SGCZ: variants seen among roughly 807,000 people sequenced by gnomAD.
The protein encoded by SGCZ is sarcoglycan zeta, also known as zeta-sarcoglycan.
Under a neutral mutation model 41.3 loss-of-function variants are expected in SGCZ, and 40 were observed. That is an observed-to-expected ratio of 0.97 (90% CI 0.75 to 1.26). SGCZ has a LOEUF of 1.26. Among genes scored for constraint, SGCZ ranks in the 50% most tolerant of loss-of-function variants. The pLI is 0.00. For synonymous variants in SGCZ, 206 were observed against 137.5 expected (o/e 1.50, Z -3.49); for missense variants, 552 against 369.8 (o/e 1.49, Z -4.04).
chr8:15,217,112 CAGAGT>C (rs1367042307), intron 1 of SGCZ, among the ~76,000 whole-genome samples: 1 of 151,814 alleles, frequency 6.6e-6, no homozygotes. Flanking sequence ...ATTAACCCCA[CAGAGT>C]AGAGTTAAGA....
At chr8:14,836,082 G>A (rs1271799432) in intron 1 of SGCZ, among the ~76,000 whole-genome samples, 3 of 151,988 alleles carry the variant, frequency 2.0e-5, no homozygotes, top group Admixed American at 6.6e-5. Flanking sequence ...ACGTCATCTA[G>A]GGACATTCAC....
intron 1 of SGCZ, among the ~76,000 whole-genome samples, chr8:14,823,258 G>T (rs1802176192): frequency 6.6e-6 from 1 of 151,816 alleles, no homozygotes; most frequent in African/African-American, 2.4e-5. Context: ...AAAACGTTTT[G>T]CACAGGAAAG....
At position 15,236,266 on chromosome 8, in the gene SGCZ, C is replaced by G. The variant is rs191647159; in HGVS notation, c.39+1319G>C. Among the ~76,000 whole-genome samples, 302 of 152,306 alleles carry G rather than the reference C, an allele frequency of 2.0e-3. 1 individual carries two copies. Among genetic ancestry groups the G allele is most frequent in the Non-Finnish European group, 3.4e-3 (231 of 68,024 alleles). ...CTCCTTCCTTCCCCGTCTATGCAAT[C>G]TGGGGCGCCTGGAGAACTGGGCTCC... is the stretch of plus-strand genomic sequence containing the variant. On this transcript the variant is annotated intron_variant, in intron 1 of 7. Coordinates refer to ENST00000382080, the MANE Select transcript of SGCZ (RefSeq NM_139167.4).
At position 14,702,778 on chromosome 8, in the gene SGCZ, T is replaced by TAGAC. The variant is rs74273422; in HGVS notation, c.40-147856_40-147853dup. Among the ~76,000 whole-genome samples, 213 of 115,184 alleles carry TAGAC rather than the reference T, an allele frequency of 1.8e-3. 3 individuals are homozygous for TAGAC. Among genetic ancestry groups the TAGAC allele is most frequent in the Middle Eastern group, 4.6e-3 (1 of 216 alleles). 75.6% of individuals were successfully genotyped at this position (115,184 alleles called of 152,430 possible). On this transcript the variant is annotated intron_variant, in intron 1 of 7. Transcript: ENST00000382080. ...ATAGATAGATAGATAGATAGATAGATAGACAGACAGACAGGCAGACAGGTA... is the reference window on the plus strand; with the variant it reads ...ATAGATAGATAGATAGATAGATAGATAGACAGACAGACAGACAGGCAGACAGGTA...
chr8:14,434,257 G>C (rs1049324995), intron 2 of SGCZ, among the ~76,000 whole-genome samples: 4 of 152,110 alleles, frequency 2.6e-5, no homozygotes, highest in African/African-American at 7.2e-5. Flanking sequence ...TGTTTGCTTT[G>C]TCAAAGATCA....
At chr8:14,834,274 T>C (rs1247797575) in intron 1 of SGCZ, among the ~76,000 whole-genome samples, 2 of 152,224 alleles carry the variant, frequency 1.3e-5, no homozygotes, top group African/African-American at 4.8e-5. Context: ...CAAAATCTTT[T>C]AGAATTTTGA....
intron 2 of SGCZ, among the ~76,000 whole-genome samples, chr8:14,494,327 T>C (rs1466124505): frequency 1.3e-5 from 2 of 152,126 alleles, no homozygotes; most frequent in African/African-American, 4.8e-5. Context: ...AAGACCTGCA[T>C]AGGGTGGCTC....
At chr8:14,679,002 T>C (rs1359997130) in intron 1 of SGCZ, among the ~76,000 whole-genome samples, 3 of 152,174 alleles carry the variant, frequency 2.0e-5, no homozygotes, top group Non-Finnish European at 4.4e-5. Flanking sequence ...GCACGTATGA[T>C]AGTTGCCTGT....
At chr8:14,942,066 G>A (rs913588240) in intron 1 of SGCZ, among the ~76,000 whole-genome samples, 1 of 151,868 alleles carries the variant, frequency 6.6e-6, no homozygotes, top group Non-Finnish European at 1.5e-5. Flanking sequence ...GCATCATTAG[G>A]AACCCCCAGC....
intron 5 of SGCZ, among the ~76,000 whole-genome samples, chr8:14,140,918 A>G (rs1337587417): frequency 2.0e-5 from 3 of 152,192 alleles, no homozygotes; most frequent in Non-Finnish European, 4.4e-5. Flanking sequence ...CTGACTTCAA[A>G]CTATACTACA....
At chr8:14,389,570 C>T (rs574768914) in intron 2 of SGCZ, among the ~76,000 whole-genome samples, 2 of 151,102 alleles carry the variant, frequency 1.3e-5, no homozygotes, top group East Asian at 1.9e-4. Flanking sequence ...AAACCTGAAA[C>T]TCTAATCAGG....
intron 1 of SGCZ, among the ~76,000 whole-genome samples, chr8:14,809,952 T>G (rs760470649): frequency 6.6e-6 from 1 of 152,148 alleles, no homozygotes; most frequent in Non-Finnish European, 1.5e-5. Flanking sequence ...TCTATTTAAC[T>G]ATATGGTTTT....
At chr8:15,172,154 GTTTTTT>G (rs1183210302) in intron 1 of SGCZ, among the ~76,000 whole-genome samples, 1 of 71,766 alleles carries the variant, frequency 1.4e-5, no homozygotes, top group Middle Eastern at 0.012. Context: ...TTTATACTCT[GTTTTTT>G]TTTTTTTTTT....
At chr8:14,215,268 G>C (rs1355080454) in intron 4 of SGCZ, among the ~76,000 whole-genome samples, 1 of 151,998 alleles carries the variant, frequency 6.6e-6, no homozygotes, top group Non-Finnish European at 1.5e-5. Context: ...ACTATCTATA[G>C]ACAAAGAAGT....
At chr8:14,570,277 G>C (rs976595401) in intron 1 of SGCZ, among the ~76,000 whole-genome samples, 1 of 152,130 alleles carries the variant, frequency 6.6e-6, no homozygotes, top group Admixed American at 6.5e-5. Flanking sequence ...CAGGTATTCA[G>C]TAAGTTCTGA....
At chr8:14,989,346 C>T (rs142500127) in intron 1 of SGCZ, among the ~76,000 whole-genome samples, 2 of 152,086 alleles carry the variant, frequency 1.3e-5, no homozygotes, top group East Asian at 1.9e-4. Context: ...ATTAGCCGAG[C>T]GTGGTGGTGT....
chr8:14,642,174 T>C (rs1417374168), intron 1 of SGCZ, among the ~76,000 whole-genome samples: 2 of 151,680 alleles, frequency 1.3e-5, no homozygotes, highest in East Asian at 3.9e-4. Context: ...ACAACTAACG[T>C]GAATATTTCC....
intron 1 of SGCZ, among the ~76,000 whole-genome samples, chr8:14,902,758 A>G (rs17120524): frequency 0.038 from 5,839 of 152,214 alleles, 381 homozygotes; most frequent in African/African-American, 0.13. Context: ...GCATAGACAA[A>G]TATTCGAGTT....
intron 1 of SGCZ, among the ~76,000 whole-genome samples, chr8:14,716,959 A>T (rs1041407256): frequency 3.9e-5 from 6 of 152,100 alleles, no homozygotes; most frequent in African/African-American, 1.4e-4. Flanking sequence ...ATAATACATG[A>T]GATGATTTCA....
Sources: gnomAD v4.1 joint callset for allele counts (sites outside exome capture counted in the v4.1 genomes callset) on GRCh38, gnomAD v4.1.1 for gene constraint, MANE v1.5 for transcripts, NCBI Gene and HGNC (gene_info 2026-07-23, HGNC 2026-07-21) for gene names.